EHMT1: variants seen among roughly 807,000 people sequenced by gnomAD.
EHMT1 encodes the protein euchromatic histone lysine methyltransferase 1.
In EHMT1, 15 loss-of-function variants were observed where a neutral mutation model predicts 147.2. That is an observed-to-expected ratio of 0.10 (90% CI 0.07 to 0.16). The LOEUF (loss-of-function observed/expected upper bound fraction) is 0.16, where lower values mean the gene tolerates loss of function less well. EHMT1 is among the 10% of genes least tolerant of loss of function. The pLI is 1.00. For missense variants in EHMT1, 1,587 were observed against 1,772.4 expected, an observed-to-expected ratio of 0.90 and a Z score of 1.88; for synonymous variants, 795 against 709.6, an observed-to-expected ratio of 1.12 and a Z score of -1.91.
chr9:137,783,775 T>C (rs11137226), intron 15 of EHMT1, among the ~76,000 whole-genome samples: 53,845 of 152,154 alleles, frequency 0.35, 10,027 homozygotes, highest in African/African-American at 0.44. Flanking sequence ...GTGCCCACAC[T>C]CACCCGCTGT....
At chr9:137,675,035 A>G (rs1941104161) in intron 1 of EHMT1, 1 of 152,234 alleles carries the variant, frequency 6.6e-6, no homozygotes. Flanking sequence ...CAACTTAAAA[A>G]ATTAAAAAAA....
chr9:137,717,605 C>CAA (rs1163785484), intron 3 of EHMT1, among the ~76,000 whole-genome samples: 13,058 of 69,318 alleles, frequency 0.19, 1,197 homozygotes, highest in Admixed American at 0.32. Context: ...GACCCTGTCT[C>CAA]AAAAAAAAAA....
Position 137,719,872 on chromosome 9 carries a change from A to G in EHMT1, c.642+2690A>G, listed in dbSNP as rs866765347. ...GGTGCCGAACCCCCTCCACACCAGGACACAGTCGAGGTGCCGAACCCCCTC... is the reference window on the plus strand; with the variant it reads ...GGTGCCGAACCCCCTCCACACCAGGGCACAGTCGAGGTGCCGAACCCCCTC... On this transcript the variant is annotated intron_variant, in intron 3 of 26. Transcript: ENST00000460843. 7.7e-3 allele frequency among the ~76,000 whole-genome samples: 690 copies of G among 89,378 alleles called. 4 individuals carry two copies. The highest frequency in any genetic ancestry group is 0.029 in the African/African-American group (590 of 20,484). The allele number at this position is 89,378 out of a possible 152,430, so 58.6% of individuals were successfully genotyped here. A position where few individuals can be genotyped will look rare whatever the true frequency, so the allele number is the denominator to read the frequency against.
At chr9:137,807,919 C>T (rs2137564123) in intron 18 of EHMT1, among the ~76,000 whole-genome samples, 1 of 152,284 alleles carries the variant, frequency 6.6e-6, no homozygotes, top group East Asian at 1.9e-4. Flanking sequence ...TGTTCCTTTG[C>T]ACATCTGGTA....
chr9:137,712,625 T>C (rs150051395), intron 2 of EHMT1, among the ~76,000 whole-genome samples: 1 of 152,324 alleles, frequency 6.6e-6, no homozygotes, highest in African/African-American at 2.4e-5. Context: ...TCAAATTGGA[T>C]TGATTTTTAT....
At chr9:137,636,047 G>A (rs1844048789) in intron 1 of EHMT1, among the ~76,000 whole-genome samples, 2 of 151,296 alleles carry the variant, frequency 1.3e-5, no homozygotes, top group Non-Finnish European at 2.9e-5. Flanking sequence ...TCAGCCTCCT[G>A]AGTAGTTGGG....
At chr9:137,793,593 A>G (rs757376115) in intron 16 of EHMT1, among the ~76,000 whole-genome samples, 6 of 152,256 alleles carry the variant, frequency 3.9e-5, no homozygotes, top group Non-Finnish European at 7.3e-5. Flanking sequence ...TTCATACAAC[A>G]GTGTTTACTG....
intron 25 of EHMT1, 80 bp downstream of exon 25, chr9:137,818,218 G>C (rs1955081842): frequency 2.7e-6 from 4 of 1,482,900 alleles, no homozygotes; most frequent in South Asian, 1.1e-5. Flanking sequence ...GTAGGGCTGG[G>C]ATTCAGAAGA....
In EHMT1 at chr9:137,811,502, C is replaced by T. The variant is rs767122337; in HGVS notation, c.2754C>T (p.Cys918=). Residue 918 remains cysteine, a synonymous_variant, in exon 19 of 27, where the codon TGC becomes TGT. Transcript: ENST00000460843. ...TGCACTGGGCGGCGTTCTCCGGCTG[C>T]GTGGACATAGCCGAGATCCTGCTGG... ...ICLHWAAFSG[C]VDIAEILLAA... 3 of 1,612,036 alleles carry T rather than the reference C, an allele frequency of 1.9e-6. No homozygotes were observed. Among genetic ancestry groups the T allele is most frequent in the East Asian group, 2.2e-5 (1 of 44,890 alleles).
chr9:137,799,948 C>T (rs1953316302), intron 17 of EHMT1, among the ~76,000 whole-genome samples: 1 of 152,234 alleles, frequency 6.6e-6, no homozygotes, highest in Admixed American at 6.5e-5. Flanking sequence ...GGAGGCTGCG[C>T]TCTGCTGTCC....
intron 1 of EHMT1, among the ~76,000 whole-genome samples, chr9:137,681,787 T>C (rs551264248): frequency 9.9e-5 from 15 of 152,244 alleles, no homozygotes; most frequent in African/African-American, 3.6e-4. Flanking sequence ...GATCTGACTT[T>C]TGCTAAGTCC....
intron 3 of EHMT1, among the ~76,000 whole-genome samples, chr9:137,721,964 A>G (rs1946101305): frequency 6.8e-6 from 1 of 147,238 alleles, no homozygotes; most frequent in African/African-American, 2.6e-5. Flanking sequence ...CTAGCCCTAG[A>G]TCTCAATTTC....
intron 1 of EHMT1, among the ~76,000 whole-genome samples, chr9:137,671,048 G>C (rs949445466): frequency 6.6e-6 from 1 of 152,168 alleles, no homozygotes; most frequent in East Asian, 1.9e-4. Context: ...GGGCTGTCCC[G>C]GGCCGTGAGC....
intron 1 of EHMT1, among the ~76,000 whole-genome samples, chr9:137,659,930 C>T (rs1194770469): frequency 1.3e-5 from 2 of 151,932 alleles, no homozygotes; most frequent in Non-Finnish European, 2.9e-5. Context: ...ATGTATTTAC[C>T]TAGATAGGTA....
At chr9:137,817,625 C>G in intron 24 of EHMT1, 100 bp downstream of exon 24, 1 of 1,470,830 alleles carries the variant, frequency 6.8e-7, no homozygotes, top group Non-Finnish European at 9.4e-7. Flanking sequence ...GCAGGCACAT[C>G]CCTGGCGTAC....
chr9:137,681,934 G>A (rs1941981605), intron 1 of EHMT1, among the ~76,000 whole-genome samples: 1 of 152,000 alleles, frequency 6.6e-6, no homozygotes, highest in South Asian at 2.1e-4. Flanking sequence ...CCGTCCTCGC[G>A]GTTTTTGTGT....
At chr9:137,745,506 C>T (rs1042224968) in intron 6 of EHMT1, 4 of 398,502 alleles carry the variant, frequency 1.0e-5, no homozygotes, top group Non-Finnish European at 1.8e-5. Context: ...ATCATCACCC[C>T]ATTGTCCTGG....
At chr9:137,831,826 C>T (rs1415398517) in intron 25 of EHMT1, among the ~76,000 whole-genome samples, 1 of 152,248 alleles carries the variant, frequency 6.6e-6, no homozygotes, top group African/African-American at 2.4e-5. Flanking sequence ...CTGCGTGGGC[C>T]TTGTTTCCCT....
chr9:137,766,885 G>A (rs1950253970), intron 10 of EHMT1, among the ~76,000 whole-genome samples: 1 of 152,058 alleles, frequency 6.6e-6, no homozygotes, highest in African/African-American at 2.4e-5. Context: ...GGAATGCAGT[G>A]GCTCTCATTG....
Sources: allele counts gnomAD v4.1 joint callset (sites outside exome capture counted in the v4.1 genomes callset), GRCh38; gene constraint gnomAD v4.1.1; transcripts MANE v1.5; gene names NCBI Gene and HGNC (gene_info 2026-07-23, HGNC 2026-07-21).